The following PARD3B variants were observed in gnomAD, a reference collection of about 807,000 sequenced individuals.
The protein encoded by PARD3B is partitioning defective 3 homolog B.
PARD3B carries 103 observed loss-of-function variants against 130.2 expected under a neutral mutation model. The ratio of observed to expected loss-of-function variants is 0.79; its 90% CI spans 0.67 to 0.93. The LOEUF (loss-of-function observed/expected upper bound fraction) is 0.93. Ranked by LOEUF, PARD3B falls within the 40% of genes least tolerant of loss-of-function variation. The probability of loss-of-function intolerance (pLI) is 0.00; values close to 1 mark genes in which losing one functional copy is unlikely to be tolerated. For synonymous variants in PARD3B, 583 were observed against 553.2 expected (o/e 1.05, Z -0.76); for missense variants, 1,609 against 1,499.2 (o/e 1.07, Z -1.21).
Position 205,407,779 on chromosome 2 carries a change from C to A in PARD3B, c.2741+6656C>A, listed in dbSNP as rs183554335. 3.1e-3 allele frequency among the ~76,000 whole-genome samples: 473 copies of A among 152,082 alleles called. No individual in the cohort carries two copies. The highest frequency in any genetic ancestry group is 6.4e-3 in the African/African-American group (265 of 41,476). On this transcript the variant is annotated intron_variant, in intron 19 of 22. Transcript: ENST00000406610. This position sits in a 1 kb window ranked among gnomAD's most constrained non-coding sequence, Gnocchi z 4.1. Reference sequence around the variant, plus strand: ...CCATATTACTGACCCTGAAATAATACTTCAGTAAATGAAGTTTTCTCCTAA... The same window carrying A: ...CCATATTACTGACCCTGAAATAATAATTCAGTAAATGAAGTTTTCTCCTAA...
intron 1 of PARD3B, among the ~76,000 whole-genome samples, chr2:204,600,506 G>A (rs770072077): frequency 4.2e-4 from 63 of 151,712 alleles, no homozygotes; most frequent in Non-Finnish European, 6.8e-4. Context: ...TCACTATTCC[G>A]TTCCATTGGT....
chr2:205,237,514 A>G (rs1261535289), intron 15 of PARD3B, among the ~76,000 whole-genome samples: 1 of 152,232 alleles, frequency 6.6e-6, no homozygotes, highest in East Asian at 1.9e-4. Flanking sequence ...CATACCAGAA[A>G]GACATTTATT....
intron 1 of PARD3B, among the ~76,000 whole-genome samples, chr2:204,608,722 T>C (rs994350062): frequency 1.3e-5 from 2 of 152,216 alleles, no homozygotes; most frequent in Admixed American, 6.5e-5. Flanking sequence ...CAATATCTGC[T>C]GTTACTCCCC....
intron 16 of PARD3B, among the ~76,000 whole-genome samples, chr2:205,249,306 T>C (rs1220253417): frequency 1.3e-5 from 2 of 151,944 alleles, no homozygotes; most frequent in African/African-American, 4.8e-5. Flanking sequence ...TTGTATATAC[T>C]GACCTAAATC....
At chr2:205,228,872 AGTTCTGCT>A (rs1424013150) in intron 15 of PARD3B, among the ~76,000 whole-genome samples, 2 of 152,118 alleles carry the variant, frequency 1.3e-5, no homozygotes, top group African/African-American at 4.8e-5. Flanking sequence ...TTGCTTGATC[AGTTCTGCT>A]GTTAAGAGAA....
intron 1 of PARD3B, among the ~76,000 whole-genome samples, chr2:204,644,934 GTTTTAGTTGCTGCTTTCCTAAGAGAGA>G (rs879844689): frequency 5.7e-4 from 86 of 150,222 alleles, no homozygotes; most frequent in African/African-American, 2.0e-3. Flanking sequence ...TTTTTTTTTT[GTTTTAGTTGCTGCTTTCCTAAGAGAGA>G]TACTCGATGA....
intron 3 of PARD3B, among the ~76,000 whole-genome samples, chr2:205,012,243 G>A (rs1051349060): frequency 4.6e-5 from 7 of 152,064 alleles, no homozygotes; most frequent in East Asian, 1.9e-4. Flanking sequence ...CTTCGTATTT[G>A]TGAGTTTTAC....
intron 18 of PARD3B, among the ~76,000 whole-genome samples, chr2:205,346,246 TCTC>T (rs2043763311): frequency 6.6e-6 from 1 of 151,698 alleles, no homozygotes; most frequent in African/African-American, 2.4e-5. Flanking sequence ...ATTCCTGGCT[TCTC>T]CTAGAAAAAT....
At chr2:204,975,148 A>G (rs538386480) in intron 3 of PARD3B, among the ~76,000 whole-genome samples, 1 of 152,176 alleles carries the variant, frequency 6.6e-6, no homozygotes, top group Non-Finnish European at 1.5e-5. Flanking sequence ...CATGTGTACC[A>G]TTAGTCAGTA....
At chr2:205,539,478 G>GC (rs1277151696) in intron 21 of PARD3B, among the ~76,000 whole-genome samples, 2 of 152,254 alleles carry the variant, frequency 1.3e-5, no homozygotes, top group South Asian at 2.1e-4. Flanking sequence ...TATGTGCACA[G>GC]CCCCTCCAAG....
intron 2 of PARD3B, among the ~76,000 whole-genome samples, chr2:204,922,435 T>A (rs17535605): frequency 0.011 from 1,661 of 152,206 alleles, 21 homozygotes; most frequent in Middle Eastern, 0.037. Flanking sequence ...GGTAGTACTA[T>A]TGAATGAATA....
intron 18 of PARD3B, among the ~76,000 whole-genome samples, chr2:205,338,785 T>C (rs1029247481): frequency 2.0e-5 from 3 of 152,182 alleles, no homozygotes; most frequent in African/African-American, 7.2e-5. Context: ...CTTTGTTGAA[T>C]TATAGTGAAT....
chr2:204,903,127 T>C (rs556072142), intron 2 of PARD3B, among the ~76,000 whole-genome samples: 1 of 152,378 alleles, frequency 6.6e-6, no homozygotes, highest in South Asian at 2.1e-4. Context: ...ATGGTACTTC[T>C]AGTTTTAAGT....
At chr2:205,066,823 G>A (rs945998272) in intron 4 of PARD3B, among the ~76,000 whole-genome samples, 2 of 151,954 alleles carry the variant, frequency 1.3e-5, no homozygotes, top group Non-Finnish European at 2.9e-5. Flanking sequence ...AAATCATCAA[G>A]TTATTTAAAT....
At chr2:204,841,878 A>G (rs1161754435) in intron 2 of PARD3B, among the ~76,000 whole-genome samples, 1 of 151,026 alleles carries the variant, frequency 6.6e-6, no homozygotes, top group Non-Finnish European at 1.5e-5. Context: ...TTTGGTGTCA[A>G]CACAACTTTA....
chr2:205,212,434 A>C (rs1229303281), intron 15 of PARD3B, among the ~76,000 whole-genome samples: 2 of 152,108 alleles, frequency 1.3e-5, no homozygotes, highest in East Asian at 3.9e-4. Flanking sequence ...CCTTTGAGGA[A>C]TGTCCTTAGC....
chr2:205,095,594 A>G (rs1702347632), intron 4 of PARD3B, among the ~76,000 whole-genome samples: 2 of 152,132 alleles, frequency 1.3e-5, no homozygotes, highest in Admixed American at 1.3e-4. Context: ...TGATACCTCG[A>G]TGAGATGGAT....
chr2:204,551,226 T>C (rs2030433161), intron 1 of PARD3B, among the ~76,000 whole-genome samples: 1 of 152,202 alleles, frequency 6.6e-6, no homozygotes, highest in Admixed American at 6.5e-5. Context: ...AGCATTTAAA[T>C]ATTTTGAGAT....
intron 2 of PARD3B, among the ~76,000 whole-genome samples, chr2:204,773,916 C>A (rs967558821): frequency 1.3e-5 from 2 of 152,192 alleles, no homozygotes; most frequent in Non-Finnish European, 2.9e-5. Flanking sequence ...GAGTAGAATT[C>A]AGAGTGCTTG....
Sources: gnomAD v4.1 joint callset for allele counts (sites outside exome capture counted in the v4.1 genomes callset) on GRCh38, gnomAD v4.1.1 for gene constraint, Gnocchi (gnomAD v3.1) non-coding constraint, MANE v1.5 for transcripts, NCBI Gene and HGNC (gene_info 2026-07-23, HGNC 2026-07-21) for gene names.